TBC1D32: variants seen among roughly 807,000 people sequenced by gnomAD.
TBC1D32 encodes protein broad-minded.
A neutral mutation model predicts 170.3 loss-of-function variants in TBC1D32; 151 were observed. That is an observed-to-expected ratio of 0.89 (90% CI 0.78 to 1.01). The LOEUF (loss-of-function observed/expected upper bound fraction) is 1.01, where lower values mean the gene tolerates loss of function less well. TBC1D32 is among the 50% of genes least tolerant of loss of function. The probability of loss-of-function intolerance (pLI) is 0.00; values close to 1 mark genes in which losing one functional copy is unlikely to be tolerated. For missense variants in TBC1D32, 1,464 were observed against 1,457.1 expected (o/e 1.00, Z -0.08); for synonymous variants, 498 against 488.0 (o/e 1.02, Z -0.27).
At position 121,170,376 on chromosome 6, in the gene TBC1D32, G is replaced by A. The variant is rs780514457; in HGVS notation, c.2571-9320C>T. ...CAAAACATCTCTAAAGAAAACTGCT[G>A]TTACTCTGTTTTAATCACCCATTTT... On this transcript the variant is annotated intron_variant, in intron 22 of 31. Coordinates refer to ENST00000398212, the MANE Select transcript of TBC1D32 (RefSeq NM_152730.6). The A allele has an allele frequency of 4.5e-6, 7 of 1,561,212 alleles. No homozygotes were observed. The East Asian group carries it at 1.4e-4, about 31-fold the overall frequency.
chr6:121,265,642 A>C (rs1800373282), intron 15 of TBC1D32, among the ~76,000 whole-genome samples: 1 of 152,088 alleles, frequency 6.6e-6, no homozygotes, highest in Non-Finnish European at 1.5e-5. Context: ...AAAAAGAACA[A>C]ATCTGGAGGC....
intron 30 of TBC1D32, among the ~76,000 whole-genome samples, chr6:121,094,726 A>C (rs1777196202): frequency 6.6e-6 from 1 of 152,110 alleles, no homozygotes; most frequent in African/African-American, 2.4e-5. Context: ...CTCCTACTAA[A>C]GATGTTTCCT....
chr6:121,298,312 T>C (rs1262965600), intron 10 of TBC1D32, among the ~76,000 whole-genome samples: 2 of 152,040 alleles, frequency 1.3e-5, no homozygotes, highest in Non-Finnish European at 2.9e-5. Flanking sequence ...CATAATTCCA[T>C]TTGCAGGTTA....
Position 121,256,253 on chromosome 6 carries a change from GA to G in TBC1D32, c.1765del (p.Ser589ArgfsTer42), listed in dbSNP as rs1318997451. 3 of 1,613,228 alleles carry G rather than the reference GA, an allele frequency of 1.9e-6. No individual in the cohort carries two copies. The highest frequency in any genetic ancestry group is 2.5e-6 in the Non-Finnish European group (3 of 1,179,726). On this transcript the variant is annotated frameshift_variant, in exon 16 of 32. Coordinates refer to ENST00000398212, the MANE Select transcript of TBC1D32 (RefSeq NM_152730.6). LOFTEE classifies it high-confidence loss of function. ...AATATCTTCATCGAGAAGTTTTTTC[GA>G]AAACTGGGCAATTATATGAGCACCT... ...PTGAHIIAQF[S>X]KKLLDEDISI...
At chr6:121,149,161 G>A (rs192925587) in intron 24 of TBC1D32, among the ~76,000 whole-genome samples, 12 of 152,066 alleles carry the variant, frequency 7.9e-5, no homozygotes, top group East Asian at 1.9e-4. Flanking sequence ...ATTATTATCC[G>A]TTGTCAGATG....
At chr6:121,307,046 T>G (rs1452150042) in intron 5 of TBC1D32, among the ~76,000 whole-genome samples, 1 of 152,124 alleles carries the variant, frequency 6.6e-6, no homozygotes, top group Non-Finnish European at 1.5e-5. Context: ...TTCTTTTTTT[T>G]TAATTTGAGA....
In TBC1D32 at chr6:121,140,250, G is replaced by A. The variant is rs531685143; in HGVS notation, c.2774-8498C>T. Among the ~76,000 whole-genome samples the A allele has an allele frequency of 5.0e-4, 75 of 150,740 alleles. 4 individuals carry two copies. In the South Asian group the frequency reaches 0.014, roughly 27 times the overall value. ...GAAAAACAAGTTCTAACTAGAATTCGCTTCTGTTTTATATAATATATACCT... is the reference window on the plus strand; with the variant it reads ...GAAAAACAAGTTCTAACTAGAATTCACTTCTGTTTTATATAATATATACCT... On this transcript the variant is annotated intron_variant, in intron 24 of 31. Coordinates refer to ENST00000398212, the MANE Select transcript of TBC1D32 (RefSeq NM_152730.6).
rs555377913 is a variant in TBC1D32 at position 121,198,518 on chromosome 6, G to A, written c.2570+6557C>T. On this transcript the variant is annotated intron_variant, in intron 22 of 31. Coordinates refer to ENST00000398212, the MANE Select transcript of TBC1D32 (RefSeq NM_152730.6). ...AGTAATCCCAGCACTTTGGGAGGCC[G>A]AGATGGATGGATCACGAGCTCAGGA... is the stretch of plus-strand genomic sequence containing the variant. Among the ~76,000 whole-genome samples the A allele has an allele frequency of 3.1e-4, 46 of 150,818 alleles. No individual in the cohort carries two copies. The East Asian group carries it at 7.8e-3, about 26-fold the overall frequency.
At chr6:121,247,695 C>CAAAAAAA (rs34914027) in intron 17 of TBC1D32, among the ~76,000 whole-genome samples, 1,062 of 46,480 alleles carry the variant, frequency 0.023, 97 homozygotes, top group African/African-American at 0.053. Flanking sequence ...GGCTTTAAAG[C>CAAAAAAA]AAAAAAAAAA....
At chr6:121,278,030 G>A (rs1802467555) in intron 15 of TBC1D32, among the ~76,000 whole-genome samples, 1 of 152,068 alleles carries the variant, frequency 6.6e-6, no homozygotes, top group Non-Finnish European at 1.5e-5. Flanking sequence ...CCAATTCCTT[G>A]AAAGACATAT....
In TBC1D32 at chr6:121,109,918, A is replaced by T. The variant is rs1294726154; in HGVS notation, c.3324+2587T>A. Reference sequence around the variant, plus strand: ...GCAGGGGATCTAATATCTTTCAAATACATTTTCTAGAGTAATAAAAGCTTA... The same window carrying T: ...GCAGGGGATCTAATATCTTTCAAATTCATTTTCTAGAGTAATAAAAGCTTA... On this transcript the variant is annotated intron_variant, in intron 29 of 31. Transcript: ENST00000398212. Among the ~76,000 whole-genome samples the T allele has an allele frequency of 3.9e-5, 6 of 152,230 alleles. 1 individual carries two copies. Among genetic ancestry groups the T allele is most frequent in the Admixed American group, 3.9e-4 (6 of 15,276 alleles).
chr6:121,229,467 C>T (rs555251207), intron 20 of TBC1D32, among the ~76,000 whole-genome samples: 1 of 152,242 alleles, frequency 6.6e-6, no homozygotes, highest in East Asian at 1.9e-4. Context: ...TCAGCCTGTT[C>T]TTCCATCCTT....
intron 1 of TBC1D32, 64 bp from the exon 2 acceptor site, chr6:121,321,858 AAC>A (rs1809775287): frequency 1.4e-6 from 2 of 1,387,426 alleles, no homozygotes; most frequent in African/African-American, 3.0e-5. Flanking sequence ...AAAAAAAATC[AAC>A]ACAGAAAGGT....
At chr6:121,098,512 T>C (rs1777676169) in intron 30 of TBC1D32, among the ~76,000 whole-genome samples, 2 of 151,962 alleles carry the variant, frequency 1.3e-5, no homozygotes, top group African/African-American at 4.8e-5. Context: ...AAGGTTAAAA[T>C]TTTAAATGAA....
chr6:121,297,335 C>A (rs954486697), intron 10 of TBC1D32, among the ~76,000 whole-genome samples: 4 of 151,950 alleles, frequency 2.6e-5, no homozygotes, highest in Admixed American at 2.0e-4. Context: ...TAATTGTTAA[C>A]CCCTAAGACA....
At chr6:121,118,398 C>T (rs1033119362) in intron 26 of TBC1D32, among the ~76,000 whole-genome samples, 1 of 151,984 alleles carries the variant, frequency 6.6e-6, no homozygotes, top group African/African-American at 2.4e-5. Context: ...TTAAATTATT[C>T]AAAATAACCA....
chr6:121,276,120 A>C (rs1371594596), intron 15 of TBC1D32, among the ~76,000 whole-genome samples: 1 of 87,892 alleles, frequency 1.1e-5, no homozygotes, highest in Non-Finnish European at 1.9e-5. Context: ...ACCTTGTCTC[A>C]AAAAAAAAAA....
At chr6:121,109,115 G>A (rs187277349) in intron 29 of TBC1D32, among the ~76,000 whole-genome samples, 222 of 152,270 alleles carry the variant, frequency 1.5e-3, no homozygotes, top group Non-Finnish European at 2.8e-3. Context: ...TTGGTCACAT[G>A]GCTTACATTT....
chr6:121,329,581 G>A (rs1810937082), intron 1 of TBC1D32, among the ~76,000 whole-genome samples: 1 of 152,136 alleles, frequency 6.6e-6, no homozygotes, highest in African/African-American at 2.4e-5. Context: ...GAACCTGGGA[G>A]GCAGAGGTTG....
Sources: allele counts gnomAD v4.1 joint callset (sites outside exome capture counted in the v4.1 genomes callset), GRCh38; gene constraint gnomAD v4.1.1; transcripts MANE v1.5; gene names NCBI Gene and HGNC (gene_info 2026-07-23, HGNC 2026-07-21).